Variants in CCDC15 observed in about 807,000 individuals in gnomAD.
The protein encoded by CCDC15 is coiled-coil domain-containing protein 15.
A neutral mutation model predicts 114.5 loss-of-function variants in CCDC15; 105 were observed. The ratio of observed to expected loss-of-function variants is 0.92; its 90% CI spans 0.78 to 1.08. The LOEUF (loss-of-function observed/expected upper bound fraction) is 1.08, where lower values mean the gene tolerates loss of function less well. Ranked by LOEUF, CCDC15 falls within the 50% of genes least tolerant of loss-of-function variation. The pLI, the probability that CCDC15 is intolerant of heterozygous loss-of-function variation, is 0.00. For missense variants in CCDC15, 1,105 were observed against 1,093.6 expected, an observed-to-expected ratio of 1.01 and a Z score of -0.15; for synonymous variants, 334 against 377.8, an observed-to-expected ratio of 0.88 and a Z score of 1.34.
intron 13 of CCDC15, among the ~76,000 whole-genome samples, chr11:125,012,651 G>A (rs1480132434): frequency 6.6e-6 from 1 of 152,104 alleles, no homozygotes; most frequent in South Asian, 2.1e-4. Context: ...GCAGGGAAGG[G>A]GATAAGGATG....
At position 124,975,160 on chromosome 11, in the gene CCDC15, A is replaced by AT; in HGVS notation, c.581_582insT (p.Lys194AsnfsTer8). The AT allele has an allele frequency of 2.5e-6, 4 of 1,606,132 alleles. No individual in the cohort carries two copies. The highest frequency in any genetic ancestry group is 3.4e-6 in the Non-Finnish European group (4 of 1,176,858). On this transcript the variant is annotated frameshift_variant, in exon 5 of 16. Coordinates refer to ENST00000344762, the MANE Select transcript of CCDC15 (RefSeq NM_025004.3). LOFTEE classifies it high-confidence loss of function. ...TCCTTTAAAACCGTGATTAAAAAAAAGGGATCAGTGTTTCCAGATGATGGA... is the reference window on the plus strand; with the variant it reads ...TCCTTTAAAACCGTGATTAAAAAAAATGGGATCAGTGTTTCCAGATGATGGA...
intron 13 of CCDC15, among the ~76,000 whole-genome samples, chr11:125,026,306 G>A (rs1446767118): frequency 6.6e-6 from 1 of 152,178 alleles, no homozygotes; most frequent in Non-Finnish European, 1.5e-5. Flanking sequence ...TTTGGCCACT[G>A]GCTGAGTTCT....
intron 2 of CCDC15, among the ~76,000 whole-genome samples, chr11:124,958,425 A>T (rs953412346): frequency 6.6e-6 from 1 of 152,164 alleles, no homozygotes; most frequent in East Asian, 1.9e-4. Flanking sequence ...AGTTCTTCCA[A>T]CATGGCCCAG....
At position 124,977,505 on chromosome 11, in the gene CCDC15, A is replaced by G. The variant is rs762320572; in HGVS notation, c.658A>G (p.Thr220Ala). ...AGTGCTTTCCAGGAAACCAGCATCC[A>G]CTGGGATAAATACAGGAATAAGAGG... is the stretch of plus-strand genomic sequence containing the variant. ...EEVLSRKPAS[T>A]GINTGIRGEL... The change falls in exon 6 of 16, where the codon ACT becomes GCT. Residue 220 changes from threonine to alanine, a missense_variant. Thr to Ala is a moderately conservative substitution (Grantham distance 58, BLOSUM62 0). Coordinates refer to ENST00000344762, the MANE Select transcript of CCDC15 (RefSeq NM_025004.3). 2.1e-5 allele frequency: 34 copies of G among 1,600,778 alleles called. No individual in the cohort carries two copies. In the East Asian group the frequency reaches 7.0e-4, roughly 33 times the overall value.
At chr11:125,005,935 A>G (rs1189605317) in intron 13 of CCDC15, among the ~76,000 whole-genome samples, 1 of 152,174 alleles carries the variant, frequency 6.6e-6, no homozygotes, top group East Asian at 1.9e-4. Context: ...CATTATCTGA[A>G]TGTATCACAG....
intron 13 of CCDC15, among the ~76,000 whole-genome samples, chr11:125,005,450 G>A (rs1369285759): frequency 1.3e-5 from 2 of 152,100 alleles, no homozygotes; most frequent in Admixed American, 6.5e-5. Context: ...TGAGCAGAAA[G>A]TACAGAGAGT....
chr11:124,992,549 G>T (rs751019880), intron 9 of CCDC15, 31 bp from the exon 10 acceptor site: 1 of 1,353,456 alleles, frequency 7.4e-7, no homozygotes, highest in Admixed American at 2.0e-5. Flanking sequence ...TTTTTCTGTT[G>T]TTGTTTTTCC....
At chr11:125,027,693 C>T (rs1948713399) in intron 13 of CCDC15, among the ~76,000 whole-genome samples, 1 of 151,660 alleles carries the variant, frequency 6.6e-6, no homozygotes, top group Non-Finnish European at 1.5e-5. Context: ...TGTCTGTTTG[C>T]TCTGCTGATT....
intron 6 of CCDC15, among the ~76,000 whole-genome samples, chr11:124,984,024 G>A (rs763051323): frequency 5.9e-5 from 9 of 152,138 alleles, no homozygotes; most frequent in Non-Finnish European, 1.0e-4. Flanking sequence ...CAGGGCAGGG[G>A]GTAGGGCTGC....
chr11:125,034,464 T>A lies in CCDC15; in HGVS notation c.2412-3967T>A, dbSNP rs12418888. On this transcript the variant is annotated intron_variant, in intron 13 of 15. Coordinates refer to ENST00000344762, the MANE Select transcript of CCDC15 (RefSeq NM_025004.3). ...TCTTTCTCTTCAGGAGATAAGACTC[T>A]TACTCAGGGCAATCTTAGAAGATTT... Among the ~76,000 whole-genome samples the A allele has an allele frequency of 4.3e-3, 662 of 152,334 alleles. 1 individual carries two copies. The highest frequency in any genetic ancestry group is 0.013 in the Admixed American group (206 of 15,304).
At chr11:125,017,371 G>A (rs1948635293) in intron 13 of CCDC15, among the ~76,000 whole-genome samples, 1 of 152,100 alleles carries the variant, frequency 6.6e-6, no homozygotes, top group Non-Finnish European at 1.5e-5. Flanking sequence ...ACATAAAGAT[G>A]TTTTGGTTAG....
intron 6 of CCDC15, among the ~76,000 whole-genome samples, chr11:124,981,806 A>G (rs1365513978): frequency 6.6e-6 from 1 of 152,146 alleles, no homozygotes; most frequent in Non-Finnish European, 1.5e-5. Flanking sequence ...TCTTTGGTAG[A>G]GATGGGGTTT....
At chr11:124,954,656 T>G in intron 1 of CCDC15, 68 bp from the exon 2 acceptor site, 2 of 1,398,550 alleles carry the variant, frequency 1.4e-6, no homozygotes, top group Non-Finnish European at 1.0e-6. Flanking sequence ...CTGTGGCTCA[T>G]GTGTTAGGAG....
rs1948205462 is a variant in CCDC15 at position 124,988,028 on chromosome 11, C to A, written c.1802C>A (p.Pro601His). The A allele has an allele frequency of 1.9e-6, 3 of 1,613,542 alleles. No homozygotes were observed. The highest frequency in any genetic ancestry group is 2.7e-5 in the African/African-American group (2 of 74,844). Reference protein sequence around the residue: ...GYLPKDQNILPICQDRDFLPR... With the variant: ...GYLPKDQNILHICQDRDFLPR... ...CTTCCTAAAGACCAAAATATTCTAC[C>A]CATATGTCAGGACCGGGATTTTCTA... is the stretch of plus-strand genomic sequence containing the variant. Residue 601 changes from proline (P) to histidine (H), a missense_variant, in exon 8 of 16, where the codon CCC (proline) becomes CAC (histidine). Physicochemically the swap from Pro to His is moderately conservative, Grantham distance 77 (BLOSUM62 -2). Transcript: ENST00000344762.
At chr11:125,038,740 A>C (rs959453905) in intron 14 of CCDC15, 136 bp downstream of exon 14, 3 of 1,170,618 alleles carry the variant, frequency 2.6e-6, no homozygotes, top group Non-Finnish European at 3.5e-6. Context: ...AACTTCACCA[A>C]ATTTTTTGAT....
Position 124,999,300 on chromosome 11 carries a change from A to G in CCDC15, c.2215-4567A>G, listed in dbSNP as rs188818113. Among the ~76,000 whole-genome samples, 343 of 152,294 alleles carry G rather than the reference A, an allele frequency of 2.3e-3. 1 individual carries two copies. The highest frequency in any genetic ancestry group is 2.6e-3 in the Non-Finnish European group (178 of 68,034). The stretch of plus-strand genomic sequence containing the variant: ...ATGAACATTTTCAATCTGTAAATCT[A>G]TATCTTTGACCAAATTTGGGAAGTT... On this transcript the variant is annotated intron_variant, in intron 11 of 15. Transcript: ENST00000344762.
At chr11:124,959,063 A>G (rs1947608278) in intron 2 of CCDC15, 52 bp from the exon 3 acceptor site, 1 of 1,340,154 alleles carries the variant, frequency 7.5e-7, no homozygotes, top group Admixed American at 2.9e-5. Flanking sequence ...AACAGCCCTA[A>G]TGGACAAAAC....
intron 13 of CCDC15, among the ~76,000 whole-genome samples, chr11:125,035,753 A>G (rs1052495714): frequency 6.6e-6 from 1 of 152,120 alleles, no homozygotes; most frequent in Non-Finnish European, 1.5e-5. Flanking sequence ...GTTTCCAAAT[A>G]TGAAGTTACG....
chr11:125,003,658 G>A (rs999409313), intron 11 of CCDC15, among the ~76,000 whole-genome samples: 2 of 151,784 alleles, frequency 1.3e-5, no homozygotes, highest in Admixed American at 6.6e-5. Context: ...CCTTTTCTTC[G>A]ATTTATTATT....
Sources: allele counts gnomAD v4.1 joint callset (sites outside exome capture counted in the v4.1 genomes callset), GRCh38; gene constraint gnomAD v4.1.1; transcripts MANE v1.5; gene names NCBI Gene and HGNC (gene_info 2026-07-23, HGNC 2026-07-21).